Variants in AXIN2 observed in about 807,000 individuals in gnomAD.
AXIN2 encodes axin-2.
Under a neutral mutation model 74.7 loss-of-function variants are expected in AXIN2, and 21 were observed. The ratio of observed to expected loss-of-function variants is 0.28; its 90% CI spans 0.20 to 0.40. AXIN2 has a LOEUF of 0.40. Among genes scored for constraint, AXIN2 ranks in the 10% least tolerant of loss-of-function variants. The pLI is 1.00. For synonymous variants in AXIN2, 532 were observed against 454.9 expected, an observed-to-expected ratio of 1.17 and a Z score of -2.16; for missense variants, 1,144 against 1,111.1, an observed-to-expected ratio of 1.03 and a Z score of -0.42.
intron 1 of AXIN2, among the ~76,000 whole-genome samples, chr17:65,559,067 G>C (rs2044321881): frequency 6.6e-6 from 1 of 152,066 alleles, no homozygotes; most frequent in South Asian, 2.1e-4. Flanking sequence ...AACCCACTCG[G>C]CCAGGGCGCA....
At position 65,537,408 on chromosome 17, in the gene AXIN2, C is replaced by T. The variant is rs749312775; in HGVS notation, c.1628G>A (p.Cys543Tyr). Reference protein sequence around the residue: ...AEATQRVHCFCPGGSEYYCYS... With the variant: ...AEATQRVHCFYPGGSEYYCYS... ...GCAGTAATACTCGCTGCCCCCAGGG[C>T]AGAAGCAGTGCACCCGCTGCGTGGC... The change falls in exon 6 of 11, where the codon TGC (cysteine) becomes TAC (tyrosine). Residue 543 changes from cysteine (C) to tyrosine (Y), a missense_variant. Coordinates refer to ENST00000307078, the MANE Select transcript of AXIN2 (RefSeq NM_004655.4). The T allele has an allele frequency of 6.2e-7, 1 of 1,614,070 alleles. No individual in the cohort carries two copies. Among genetic ancestry groups the T allele is most frequent in the South Asian group, 1.1e-5 (1 of 91,088 alleles).
intron 2 of AXIN2, among the ~76,000 whole-genome samples, chr17:65,550,485 C>T (rs2044176267): frequency 6.6e-6 from 1 of 152,184 alleles, no homozygotes; most frequent in Non-Finnish European, 1.5e-5. Context: ...ACATCTCCTG[C>T]TGGGCCGCAT....
At chr17:65,535,862 C>G (rs1385613280) in intron 8 of AXIN2, 141 bp from the exon 9 acceptor site, 2 of 787,514 alleles carry the variant, frequency 2.5e-6, no homozygotes, top group Non-Finnish European at 4.3e-6. Context: ...AACCAAGACC[C>G]TGGGTTAACA....
chr17:65,538,243 C>T lies in AXIN2; in HGVS notation c.1160G>A (p.Ser387Asn), dbSNP rs2043979107. The T allele has an allele frequency of 6.2e-7, 1 of 1,614,158 alleles. No individual in the cohort carries two copies. The highest frequency in any genetic ancestry group is 1.3e-5 in the African/African-American group (1 of 75,062). Residue 387 changes from serine to asparagine, a missense_variant, in exon 5 of 11, where the codon AGC (serine) becomes AAC (asparagine). By Grantham distance (46) the Ser-to-Asn change is conservative. Coordinates refer to ENST00000307078, the MANE Select transcript of AXIN2 (RefSeq NM_004655.4). ...CAGGCGCTCCTCCAGGCTGTGGCGGCTCTCCAACTCCAGCTTCAGCTTTTC... is the reference window on the plus strand; with the variant it reads ...CAGGCGCTCCTCCAGGCTGTGGCGGTTCTCCAACTCCAGCTTCAGCTTTTC... ...RLEKLKLELE[S>N]RHSLEERLQQ... is the part of the protein sequence containing the mutation.
Position 65,558,232 on chromosome 17 carries a change from A to T in AXIN2, c.389T>A (p.Val130Glu), listed in dbSNP as rs2044302842. The T allele has an allele frequency of 6.2e-7, 1 of 1,613,800 alleles. No homozygotes were observed. The highest frequency in any genetic ancestry group is 8.5e-7 in the Non-Finnish European group (1 of 1,179,982). The change falls in exon 2 of 11, where the codon GTA becomes GAA. Residue 130 changes from valine (V) to glutamate (E), a missense_variant. Physicochemically the swap from Val to Glu is moderately radical, Grantham distance 121. Around this residue, in one of 4 missense-constraint regions of AXIN2, gnomAD observed 1,053 missense variants for 973.5 expected, o/e 1.08. Coordinates refer to ENST00000307078, the MANE Select transcript of AXIN2 (RefSeq NM_004655.4). Reference protein sequence around the residue: ...MNLKDTKTLRVAKAIYKRYIE... With the variant: ...MNLKDTKTLREAKAIYKRYIE... ...GTACCTTTTGTAGATCGCTTTGGCTACTCGTAAAGTTTTGGTATCCTTCAG... is the reference window on the plus strand; with the variant it reads ...GTACCTTTTGTAGATCGCTTTGGCTTCTCGTAAAGTTTTGGTATCCTTCAG...
At chr17:65,556,563 C>T (rs1300264552) in intron 2 of AXIN2, among the ~76,000 whole-genome samples, 1 of 152,154 alleles carries the variant, frequency 6.6e-6, no homozygotes, top group Non-Finnish European at 1.5e-5. Flanking sequence ...GTTCCCAAGC[C>T]ACAAGCGCGC....
chr17:65,532,148 G>A (rs2043832156), intron 10 of AXIN2, among the ~76,000 whole-genome samples: 1 of 151,988 alleles, frequency 6.6e-6, no homozygotes, highest in Non-Finnish European at 1.5e-5. Context: ...GACCATTTGT[G>A]CAAGTCTTTG....
chr17:65,534,175 G>C (rs1012156833), intron 9 of AXIN2, 96 bp from the exon 10 acceptor site: 48 of 1,453,368 alleles, frequency 3.3e-5, no homozygotes, highest in Admixed American at 2.0e-4. Context: ...AAGTGACAGG[G>C]TATCCAAACA....
intron 8 of AXIN2, among the ~76,000 whole-genome samples, 184 bp downstream of exon 8, chr17:65,536,136 A>G (rs1567753766): frequency 2.0e-5 from 3 of 152,248 alleles, no homozygotes; most frequent in African/African-American, 7.2e-5. Context: ...TAGAATGAAC[A>G]TAACTGAAGG....
chr17:65,552,206 G>T (rs867140774), intron 2 of AXIN2, among the ~76,000 whole-genome samples: 1 of 152,214 alleles, frequency 6.6e-6, no homozygotes, highest in African/African-American at 2.4e-5. Context: ...AGTGAAAAAG[G>T]CCTCGTAGTT....
Position 65,538,237 on chromosome 17 carries a change from T to C in AXIN2, c.1166A>G (p.His389Arg), listed in dbSNP as rs1060502142. 3.1e-6 allele frequency: 5 copies of C among 1,614,182 alleles called. No homozygotes were observed. Among genetic ancestry groups the C allele is most frequent in the Non-Finnish European group, 4.2e-6 (5 of 1,180,030 alleles). ...EKLKLELESR[H>R]SLEERLQQIR... ...CTGCTGCAGGCGCTCCTCCAGGCTG[T>C]GGCGGCTCTCCAACTCCAGCTTCAG... Residue 389 changes from histidine (H) to arginine (R), a missense_variant, in exon 5 of 11, where the codon CAC (histidine) becomes CGC (arginine). Physicochemically the swap from His to Arg is conservative, Grantham distance 29. Around this residue, in one of 4 missense-constraint regions of AXIN2, gnomAD observed 1,053 missense variants for 973.5 expected, o/e 1.08. Transcript: ENST00000307078.
intron 10 of AXIN2, 93 bp downstream of exon 10, chr17:65,533,819 C>CCCCA: frequency 7.8e-7 from 1 of 1,276,878 alleles, no homozygotes; most frequent in Non-Finnish European, 1.1e-6. Context: ...CCTGCCCCAC[C>CCCCA]TAGGTCTGCT....
At chr17:65,557,104 G>A (rs2044278095) in intron 2 of AXIN2, among the ~76,000 whole-genome samples, 1 of 152,126 alleles carries the variant, frequency 6.6e-6, no homozygotes, top group Admixed American at 6.5e-5. Context: ...TTCTCCATCA[G>A]CACTAACAAA....
chr17:65,542,121 C>G lies in AXIN2; in HGVS notation c.957-564G>C, dbSNP rs148712842. Among the ~76,000 whole-genome samples the G allele has an allele frequency of 4.4e-3, 673 of 152,276 alleles. 4 individuals carry two copies. Among genetic ancestry groups the G allele is most frequent in the South Asian group, 5.4e-3 (26 of 4,824 alleles). On this transcript the variant is annotated intron_variant, in intron 3 of 10. Transcript: ENST00000307078. ...TATTTCTTTTTATAAACCAGTACAG[C>G]GTGATTAATAAAAAGAATATATAAC...
intron 3 of AXIN2, among the ~76,000 whole-genome samples, chr17:65,543,027 AG>A (rs1445840386): frequency 6.6e-6 from 1 of 152,244 alleles, no homozygotes; most frequent in Non-Finnish European, 1.5e-5. Context: ...GTCAGAAAAC[AG>A]GAACACAAGG....
intron 8 of AXIN2, 48 bp downstream of exon 8, chr17:65,536,272 C>G: frequency 6.4e-7 from 1 of 1,550,816 alleles, no homozygotes; most frequent in Non-Finnish European, 8.7e-7. Flanking sequence ...CAGGTCTCCA[C>G]CCAAACCCAA....
chr17:65,532,839 A>G (rs1029046312), intron 10 of AXIN2, among the ~76,000 whole-genome samples: 12 of 152,234 alleles, frequency 7.9e-5, no homozygotes, highest in African/African-American at 2.2e-4. Flanking sequence ...AACAGCACAC[A>G]GCTGAGGAGT....
chr17:65,555,874 T>C (rs973503381), intron 2 of AXIN2, among the ~76,000 whole-genome samples: 1 of 152,022 alleles, frequency 6.6e-6, no homozygotes, highest in African/African-American at 2.4e-5. Context: ...TTAAGACATA[T>C]GAGCTTCAGA....
At chr17:65,545,402 T>A (rs1265555802) in intron 3 of AXIN2, among the ~76,000 whole-genome samples, 1 of 152,204 alleles carries the variant, frequency 6.6e-6, no homozygotes, top group East Asian at 1.9e-4. Context: ...TAAAAAAATT[T>A]TTTTTGGCAG....
Sources: gnomAD v4.1 joint callset for allele counts (sites outside exome capture counted in the v4.1 genomes callset) on GRCh38, gnomAD v4.1.1 for gene constraint, gnomAD v4.1.1 regional missense constraint, MANE v1.5 for transcripts, NCBI Gene and HGNC (gene_info 2026-07-23, HGNC 2026-07-21) for gene names.